Variants in TMEM245 observed in about 807,000 individuals in gnomAD.
TMEM245 encodes transmembrane protein 245, also known as protein CG-2.
TMEM245 carries 69 observed loss-of-function variants against 101.2 expected under a neutral mutation model. The observed-to-expected ratio is 0.68, with a 90% CI of 0.56 to 0.83. The LOEUF is 0.83. Among genes scored for constraint, TMEM245 ranks in the 40% least tolerant of loss-of-function variants. The probability of loss-of-function intolerance (pLI) is 0.00; values close to 1 mark genes in which losing one functional copy is unlikely to be tolerated. For synonymous variants in TMEM245, 537 were observed against 449.8 expected (o/e 1.19, Z -2.45); for missense variants, 1,075 against 1,092.8 (o/e 0.98, Z 0.23).
intron 4 of TMEM245, among the ~76,000 whole-genome samples, chr9:109,093,051 C>A (rs538992486): frequency 1.3e-5 from 2 of 151,550 alleles, no homozygotes; most frequent in African/African-American, 2.4e-5. Flanking sequence ...AGAGATAGGG[C>A]AAAATAAAAT....
At chr9:109,043,301 C>T (rs908091115) in intron 14 of TMEM245, among the ~76,000 whole-genome samples, 1 of 152,068 alleles carries the variant, frequency 6.6e-6, no homozygotes, top group African/African-American at 2.4e-5. Context: ...TCTGGCATTC[C>T]CTAAAGGTGA....
intron 10 of TMEM245, among the ~76,000 whole-genome samples, chr9:109,064,050 G>C (rs576471937): frequency 6.6e-6 from 1 of 152,052 alleles, no homozygotes; most frequent in East Asian, 1.9e-4. Context: ...CTGCAAAGCA[G>C]GCAAAATAAT....
chr9:109,050,251 A>T, intron 14 of TMEM245, 32 bp downstream of exon 14: 1 of 1,606,192 alleles, frequency 6.2e-7, no homozygotes, highest in Admixed American at 1.7e-5. Flanking sequence ...AAGTTCTGGG[A>T]GAAATAAGAA....
At chr9:109,064,640 A>T (rs558256190) in intron 9 of TMEM245, 73 bp from the exon 10 acceptor site, 4 of 1,237,286 alleles carry the variant, frequency 3.2e-6, no homozygotes, top group African/African-American at 3.0e-5. Flanking sequence ...TTTGAACTTG[A>T]TATGCTTAAT....
chr9:109,027,712 C>G (rs1243138422), intron 17 of TMEM245, among the ~76,000 whole-genome samples: 2 of 152,056 alleles, frequency 1.3e-5, no homozygotes, highest in African/African-American at 4.8e-5. Flanking sequence ...GCTCTGTTGC[C>G]CAGGCTGCAG....
intron 1 of TMEM245, among the ~76,000 whole-genome samples, chr9:109,115,519 A>C (rs996858759): frequency 2.3e-5 from 3 of 129,644 alleles, no homozygotes; most frequent in Non-Finnish European, 4.9e-5. Flanking sequence ...TAGTAACTGG[A>C]ATCTTTTTTT....
At chr9:109,057,925 C>CTTTTTTTT (rs35332085) in intron 11 of TMEM245, among the ~76,000 whole-genome samples, 51 of 112,628 alleles carry the variant, frequency 4.5e-4, no homozygotes, top group African/African-American at 5.7e-4. Flanking sequence ...CATTTACTTT[C>CTTTTTTTT]TTTTTTTTTT....
chr9:109,042,835 G>T (rs1588028139), intron 14 of TMEM245, among the ~76,000 whole-genome samples: 1 of 140,368 alleles, frequency 7.1e-6, no homozygotes, highest in African/African-American at 2.7e-5. Context: ...AGGTATAGCT[G>T]ACAATTTTTT....
At chr9:109,039,071 T>C (rs954250054) in intron 14 of TMEM245, 2 of 152,170 alleles carry the variant, frequency 1.3e-5, no homozygotes, top group African/African-American at 2.4e-5. Flanking sequence ...AACGTGACCT[T>C]GTACATGCAA....
intron 12 of TMEM245, among the ~76,000 whole-genome samples, chr9:109,055,275 A>G (rs1283674014): frequency 1.3e-5 from 2 of 152,254 alleles, no homozygotes; most frequent in African/African-American, 2.4e-5. Context: ...CAAAGGTATT[A>G]TTAGATGATA....
intron 12 of TMEM245, among the ~76,000 whole-genome samples, chr9:109,050,894 T>A (rs1828658417): frequency 6.8e-6 from 1 of 148,042 alleles, no homozygotes; most frequent in Admixed American, 6.7e-5. Context: ...AAATAGTAAA[T>A]CCACACCAAA....
rs1830429490 is a variant in TMEM245, at chr9:109,106,539, G to C, written c.768C>G (p.Leu256=). ...VIVFLMSVGT[L]YEKQNGKESS... is the part of the protein sequence containing the mutation. ...ACTCTTTTCCATTCTGTTTTTCATA[G>C]AGGGTACCCACAGACATCAGGAAAA... The change falls in exon 3 of 18, where the codon CTC becomes CTG. Residue 256 remains leucine, a synonymous_variant. Transcript: ENST00000374586. 6.2e-7 allele frequency: 1 copy of C among 1,609,584 alleles called. No homozygotes were observed. The highest frequency in any genetic ancestry group is 8.5e-7 in the Non-Finnish European group (1 of 1,177,312).
At position 109,016,394 on chromosome 9, in the gene TMEM245, G is replaced by C. The variant is rs917584263; in HGVS notation, c.*4066C>G. 1 of 151,916 alleles carries C rather than the reference G, an allele frequency of 6.6e-6. No homozygotes were observed. Among genetic ancestry groups the C allele is most frequent in the African/African-American group, 2.4e-5 (1 of 41,404 alleles). The allele number at this position is 151,916 out of a possible 1,614,324, so 9.4% of individuals were successfully genotyped here. A position where few individuals can be genotyped will look rare whatever the true frequency, so the allele number is the denominator to read the frequency against. ...AAAGCTGCTCAACCATGAAGAAAAG[G>C]AAAGAGAAGTAGAACAACGGACTGA... is the stretch of plus-strand genomic sequence containing the variant. On this transcript the variant is annotated 3_prime_UTR_variant, in exon 18 of 18. Transcript: ENST00000374586.
At chr9:109,059,594 A>T (rs1828945877) in intron 11 of TMEM245, among the ~76,000 whole-genome samples, 1 of 152,198 alleles carries the variant, frequency 6.6e-6, no homozygotes, top group Non-Finnish European at 1.5e-5. Context: ...AGGCAGGAGG[A>T]TCACTCGAGC....
intron 12 of TMEM245, among the ~76,000 whole-genome samples, chr9:109,056,259 G>C (rs577372597): frequency 6.6e-6 from 1 of 152,050 alleles, no homozygotes; most frequent in South Asian, 2.1e-4. Context: ...ATCTTTTAGC[G>C]TTGCTGCCTT....
intron 17 of TMEM245, among the ~76,000 whole-genome samples, chr9:109,022,159 C>T (rs956123055): frequency 1.3e-5 from 2 of 152,138 alleles, no homozygotes; most frequent in African/African-American, 4.8e-5. Flanking sequence ...GGTAAAATGT[C>T]ACAGAAAAGA....
chr9:109,094,455 G>T (rs1362611712), intron 3 of TMEM245, among the ~76,000 whole-genome samples: 10 of 152,224 alleles, frequency 6.6e-5, no homozygotes, highest in Non-Finnish European at 1.0e-4. Context: ...TAATTTGAAA[G>T]CCAGAGCTCT....
At chr9:109,088,801 G>C (rs1829915615) in intron 5 of TMEM245, among the ~76,000 whole-genome samples, 1 of 136,856 alleles carries the variant, frequency 7.3e-6, no homozygotes, top group Non-Finnish European at 1.5e-5. Context: ...GGGCAACAGA[G>C]CGAGACTACA....
chr9:109,060,516 T>C (rs1423730431), intron 10 of TMEM245, 64 bp from the exon 11 acceptor site: 4 of 1,084,410 alleles, frequency 3.7e-6, no homozygotes, highest in South Asian at 1.4e-5. Context: ...AAAATTAATA[T>C]ATGCTGGGTA....
Sources: gnomAD v4.1 joint callset for allele counts (sites outside exome capture counted in the v4.1 genomes callset) on GRCh38, gnomAD v4.1.1 for gene constraint, MANE v1.5 for transcripts, NCBI Gene and HGNC (gene_info 2026-07-23, HGNC 2026-07-21) for gene names.